Variants in DAPK1 observed in about 807,000 individuals in gnomAD.
The protein encoded by DAPK1 is death-associated protein kinase 1.
DAPK1 carries 56 observed loss-of-function variants against 144.9 expected under a neutral mutation model. That is an observed-to-expected ratio of 0.39 (90% CI 0.31 to 0.48). The LOEUF (loss-of-function observed/expected upper bound fraction) is 0.48, where lower values mean the gene tolerates loss of function less well. Among genes scored for constraint, DAPK1 ranks in the 20% least tolerant of loss-of-function variants. The pLI, the probability that DAPK1 is intolerant of heterozygous loss-of-function variation, is 0.95. For synonymous variants in DAPK1, 690 were observed against 749.0 expected, an observed-to-expected ratio of 0.92 and a Z score of 1.29; for missense variants, 1,454 against 1,875.4, an observed-to-expected ratio of 0.78 and a Z score of 4.15.
At chr9:87,498,407 G>A (rs1824263778) in intron 1 of DAPK1, 1 of 328,904 alleles carries the variant, frequency 3.0e-6, no homozygotes, top group Admixed American at 4.9e-5. Context: ...GCTCCCCCGG[G>A]CGGCCGCACG....
chr9:87,534,457 A>G (rs1394817760), intron 2 of DAPK1, among the ~76,000 whole-genome samples: 1 of 152,036 alleles, frequency 6.6e-6, no homozygotes, highest in East Asian at 1.9e-4. Context: ...CATTGAGTTT[A>G]TTTTGAGTTA....
intron 2 of DAPK1, among the ~76,000 whole-genome samples, chr9:87,571,473 A>C (rs3095753): frequency 0.049 from 2,809 of 57,492 alleles, 449 homozygotes; most frequent in East Asian, 0.13. Context: ...ACACACACAC[A>C]CCAACACACA....
intron 5 of DAPK1, 39 bp from the exon 6 acceptor site, chr9:87,639,611 G>C (rs1564037678): frequency 1.2e-6 from 2 of 1,613,324 alleles, no homozygotes; most frequent in Non-Finnish European, 8.5e-7. Flanking sequence ...CGGTTAGTTT[G>C]CTTCCTCCCA....
chr9:87,511,001 G>A (rs1563966131), intron 2 of DAPK1, among the ~76,000 whole-genome samples: 1 of 152,160 alleles, frequency 6.6e-6, no homozygotes, highest in African/African-American at 2.4e-5. Context: ...GAGGGAGAGC[G>A]ACAGTATAAC....
chr9:87,623,035 A>G (rs1159522842), intron 3 of DAPK1, among the ~76,000 whole-genome samples: 1 of 152,220 alleles, frequency 6.6e-6, no homozygotes, highest in Non-Finnish European at 1.5e-5. Flanking sequence ...GAATTTGAGC[A>G]TGCCATCATT....
chr9:87,606,844 A>G (rs1014780906), intron 3 of DAPK1, among the ~76,000 whole-genome samples: 1 of 141,768 alleles, frequency 7.1e-6, no homozygotes, highest in Non-Finnish European at 1.5e-5. Context: ...CCCCTTCCAA[A>G]TCAGCAGTTC....
chr9:87,532,315 G>A (rs1825727608), intron 2 of DAPK1, among the ~76,000 whole-genome samples: 1 of 152,164 alleles, frequency 6.6e-6, no homozygotes, highest in Non-Finnish European at 1.5e-5. Context: ...TCAGATTTTA[G>A]TATTCATAAA....
intron 3 of DAPK1, among the ~76,000 whole-genome samples, chr9:87,619,828 T>A (rs1167329635): frequency 6.6e-6 from 1 of 152,130 alleles, no homozygotes; most frequent in Non-Finnish European, 1.5e-5. Flanking sequence ...TGATTGTCGT[T>A]GTCATCTGGT....
chr9:87,632,427 AGT>A (rs1829729249), intron 3 of DAPK1: 1 of 983,618 alleles, frequency 1.0e-6, no homozygotes, highest in South Asian at 4.7e-5. Context: ...AAGGAGGATA[AGT>A]GTGTATGTAA....
intron 2 of DAPK1, among the ~76,000 whole-genome samples, chr9:87,556,933 G>C (rs116068601): frequency 0.017 from 2,595 of 152,324 alleles, 58 homozygotes; most frequent in African/African-American, 0.056. Flanking sequence ...GCAGTTGTGG[G>C]TGGGAGAGGA....
chr9:87,510,982 C>T (rs766902804), intron 2 of DAPK1, among the ~76,000 whole-genome samples: 2 of 152,174 alleles, frequency 1.3e-5, no homozygotes, highest in Non-Finnish European at 2.9e-5. Flanking sequence ...AGAGCAGGAA[C>T]GGGAGAGAGA....
chr9:87,522,067 C>T (rs1825319209), intron 2 of DAPK1, among the ~76,000 whole-genome samples: 1 of 152,214 alleles, frequency 6.6e-6, no homozygotes, highest in African/African-American at 2.4e-5. Flanking sequence ...CAGCGCCATG[C>T]TCTTAGACTT....
intron 1 of DAPK1, chr9:87,498,514 G>T: frequency 4.1e-6 from 1 of 245,462 alleles, no homozygotes; most frequent in Admixed American, 5.5e-5. Context: ...GGTGTTAGGA[G>T]AGGCGCGGGA....
At chr9:87,626,424 AC>A (rs1829494331) in intron 3 of DAPK1, among the ~76,000 whole-genome samples, 1 of 131,764 alleles carries the variant, frequency 7.6e-6, no homozygotes, top group South Asian at 2.6e-4. Flanking sequence ...TCTTTAAAAA[AC>A]AAACAAACAA....
At chr9:87,514,746 C>G (rs1303676046) in intron 2 of DAPK1, among the ~76,000 whole-genome samples, 2 of 152,204 alleles carry the variant, frequency 1.3e-5, no homozygotes, top group African/African-American at 2.4e-5. Context: ...AGCAATTGCT[C>G]AAATTCAGCA....
chr9:87,607,706 G>A (rs1828780167), intron 3 of DAPK1, among the ~76,000 whole-genome samples: 2 of 151,962 alleles, frequency 1.3e-5, no homozygotes, highest in Non-Finnish European at 2.9e-5. Flanking sequence ...CAGTCTAATT[G>A]GGACTCAGAA....
At chr9:87,500,350 T>C (rs1051182660) in intron 2 of DAPK1, among the ~76,000 whole-genome samples, 1 of 152,198 alleles carries the variant, frequency 6.6e-6, no homozygotes, top group South Asian at 2.1e-4. Context: ...TCTTCAAACA[T>C]CACATTTCAT....
In DAPK1 at chr9:87,681,614, T is replaced by C. The variant is rs1200073165; in HGVS notation, c.2212T>C (p.Ser738Pro). 2 of 1,577,702 alleles carry C rather than the reference T, an allele frequency of 1.3e-6. No individual in the cohort carries two copies. Among genetic ancestry groups the C allele is most frequent in the Non-Finnish European group, 1.7e-6 (2 of 1,146,814 alleles). The change falls in exon 20 of 26, where the codon TCT becomes CCT. Residue 738 changes from serine (S) to proline (P), a missense_variant. Physicochemically the swap from Ser to Pro is moderately conservative, Grantham distance 74. Around this residue, in one of 2 missense-constraint regions of DAPK1, gnomAD observed 1,025 missense variants for 1,237.9 expected, o/e 0.83. Coordinates refer to ENST00000408954, the MANE Select transcript of DAPK1 (RefSeq NM_004938.4). Reference sequence around the variant, plus strand: ...CAGGTTCCCACCTTCACCCCTGGCTTCTAAGCCCACAGGTAGGAACCTCCA... The same window carrying C: ...CAGGTTCCCACCTTCACCCCTGGCTCCTAAGCCCACAGGTAGGAACCTCCA... ...SSRFPPSPLASKPTVSVSINN... is the reference protein window; with the variant it reads ...SSRFPPSPLAPKPTVSVSINN...
chr9:87,605,955 C>T (rs576951001), intron 3 of DAPK1, among the ~76,000 whole-genome samples: 2 of 152,210 alleles, frequency 1.3e-5, no homozygotes, highest in East Asian at 1.9e-4. Context: ...GGGATGGAGG[C>T]GAGATGTGAG....
Sources: gnomAD v4.1 joint callset for allele counts (sites outside exome capture counted in the v4.1 genomes callset) on GRCh38, gnomAD v4.1.1 for gene constraint, gnomAD v4.1.1 regional missense constraint, MANE v1.5 for transcripts, NCBI Gene and HGNC (gene_info 2026-07-23, HGNC 2026-07-21) for gene names.